Variants in TCF4 observed in about 807,000 individuals in gnomAD.
TCF4 encodes SL3-3 enhancer factor 2.
A neutral mutation model predicts 82.1 loss-of-function variants in TCF4; 3 were observed. The ratio of observed to expected loss-of-function variants is 0.04; its 90% CI spans 0.02 to 0.09. TCF4 has a LOEUF of 0.09. Among genes scored for constraint, TCF4 ranks in the 10% least tolerant of loss-of-function variants. The pLI, the probability that TCF4 is intolerant of heterozygous loss-of-function variation, is 1.00. For synonymous variants in TCF4, 276 were observed against 309.6 expected, an observed-to-expected ratio of 0.89 and a Z score of 1.14; for missense variants, 518 against 852.7, an observed-to-expected ratio of 0.61 and a Z score of 4.89.
Position 55,481,103 on chromosome 18 carries a change from CAAAAA to C in TCF4, c.146-16971_146-16967del, listed in dbSNP as rs74180501. Among the ~76,000 whole-genome samples, 544 of 80,516 alleles carry C rather than the reference CAAAAA, an allele frequency of 6.8e-3. 5 individuals are homozygous for C. The highest frequency in any genetic ancestry group is 0.015 in the South Asian group (34 of 2,248). 52.8% of individuals were successfully genotyped at this position (80,516 alleles called of 152,430 possible). A position where few individuals can be genotyped will look rare whatever the true frequency, so the allele number is the denominator to read the frequency against. Reference sequence around the variant, plus strand: ...TGGGCAACAGAGCAAGACTCCATCTCAAAAAAAAAAAAAAAAAAAAAAAAAATCTG... The same window carrying C: ...TGGGCAACAGAGCAAGACTCCATCTCAAAAAAAAAAAAAAAAAAAAATCTG... On this transcript the variant is annotated intron_variant, in intron 3 of 19. Coordinates refer to ENST00000354452, the MANE Select transcript of TCF4 (RefSeq NM_001083962.2).
At chr18:55,487,328 C>T (rs1454021141) in intron 3 of TCF4, among the ~76,000 whole-genome samples, 4 of 152,142 alleles carry the variant, frequency 2.6e-5, no homozygotes, top group Non-Finnish European at 5.9e-5. Context: ...TACATACATA[C>T]ATATATTTAT....
chr18:55,362,278 T>A (rs1387042409), intron 6 of TCF4, among the ~76,000 whole-genome samples: 1 of 148,534 alleles, frequency 6.7e-6, no homozygotes, highest in African/African-American at 2.5e-5. Context: ...ATCGCACCAC[T>A]GCACTCCAGC....
At chr18:55,440,800 T>A (rs1196570206) in intron 5 of TCF4, among the ~76,000 whole-genome samples, 1 of 152,148 alleles carries the variant, frequency 6.6e-6, no homozygotes, top group Non-Finnish European at 1.5e-5. Flanking sequence ...TGCTCTCCAG[T>A]TTTCCATCCT....
chr18:55,620,940 TA>T (rs1568499539), intron 2 of TCF4, among the ~76,000 whole-genome samples: 1 of 152,104 alleles, frequency 6.6e-6, no homozygotes. Flanking sequence ...AAAATTATAA[TA>T]CCACTTTTGT....
rs1312423782 is a variant in TCF4 at position 55,464,106 on chromosome 18, C to G, written c.177G>C (p.Trp59Cys). 1 of 1,613,920 alleles carries G rather than the reference C, an allele frequency of 6.2e-7. No homozygotes were observed. The highest frequency in any genetic ancestry group is 8.5e-7 in the Non-Finnish European group (1 of 1,179,886). The change falls in exon 4 of 20, where the codon TGG becomes TGC. Residue 59 changes from tryptophan (W) to cysteine (C), a missense_variant. Trp to Cys is a radical substitution (Grantham distance 215). Around this residue, in one of 7 missense-constraint regions of TCF4, gnomAD observed 80 missense variants for 93.8 expected, o/e 0.85. Transcript: ENST00000354452. ...ACGGGCTTGGATGTCCTCCATTCCC[C>G]CAGGACCCTGAGCTACTTCTGTCTT... Reference protein sequence around the residue: ...NVEDRSSSGSWGNGGHPSPSR... With the variant: ...NVEDRSSSGSCGNGGHPSPSR...
chr18:55,515,573 G>C (rs1477780397), intron 3 of TCF4, among the ~76,000 whole-genome samples: 2 of 152,174 alleles, frequency 1.3e-5, no homozygotes, highest in African/African-American at 2.4e-5. Flanking sequence ...TTTTGAAAGA[G>C]AGTAGGAGGT....
At chr18:55,303,267 A>ACACACACCCC (rs1184292058) in intron 8 of TCF4, among the ~76,000 whole-genome samples, 2 of 142,092 alleles carry the variant, frequency 1.4e-5, no homozygotes, top group African/African-American at 5.2e-5. Flanking sequence ...ACACACACAC[A>ACACACACCCC]CCCCTACACA....
chr18:55,235,530 T>TA (rs2049108282), intron 15 of TCF4, among the ~76,000 whole-genome samples: 2 of 152,120 alleles, frequency 1.3e-5, no homozygotes, highest in South Asian at 4.1e-4. Context: ...ATTACTTCAT[T>TA]AAAAAAATAC....
intron 2 of TCF4, among the ~76,000 whole-genome samples, chr18:55,619,416 G>A (rs1488535893): frequency 1.3e-5 from 2 of 151,930 alleles, no homozygotes; most frequent in African/African-American, 4.8e-5. Context: ...GGTAATTTGT[G>A]GCTTTTATTC....
At chr18:55,600,091 C>T (rs1030681697) in intron 2 of TCF4, among the ~76,000 whole-genome samples, 1 of 152,132 alleles carries the variant, frequency 6.6e-6, no homozygotes, top group African/African-American at 2.4e-5. Flanking sequence ...TGTAGATATA[C>T]AACAATTTGT....
At chr18:55,322,081 C>G in intron 8 of TCF4, 1 of 1,036,326 alleles carries the variant, frequency 9.6e-7, no homozygotes, top group Non-Finnish European at 1.2e-6. Flanking sequence ...TCACTTTTTT[C>G]TTTTTCTTTT....
intron 3 of TCF4, among the ~76,000 whole-genome samples, chr18:55,543,949 T>C (rs1238383693): frequency 1.3e-5 from 2 of 152,248 alleles, no homozygotes; most frequent in Middle Eastern, 3.4e-3. Context: ...TCCTTTCCCA[T>C]AATGTTGGCA....
rs1568465648 is a variant in TCF4 at position 55,586,158 on chromosome 18, GCAGC to G, written c.73-810_73-807del. The G allele has an allele frequency of 3.6e-3, 425 of 119,066 alleles. 5 individuals carry two copies. The African/African-American group carries it at 0.061, about 17-fold the overall frequency. 7.4% of individuals were successfully genotyped at this position (119,066 alleles called of 1,614,324 possible). ...AGAAGGAGGAGGAGGAGGAGGAGCA[GCAGC>G]AGCAGCAGCAGCAGCAGCAGCAGCA... On this transcript the variant is annotated intron_variant, in intron 2 of 19. Transcript: ENST00000354452.
chr18:55,286,872 T>C (rs2063808305), intron 8 of TCF4, among the ~76,000 whole-genome samples: 1 of 152,218 alleles, frequency 6.6e-6, no homozygotes, highest in South Asian at 2.1e-4. Flanking sequence ...ATAACACATA[T>C]ATGTCTTCAG....
At chr18:55,338,651 T>C (rs2079162979) in intron 8 of TCF4, among the ~76,000 whole-genome samples, 2 of 152,316 alleles carry the variant, frequency 1.3e-5, no homozygotes, top group East Asian at 1.9e-4. Flanking sequence ...TTCCCGAAAA[T>C]TGATTTTTTC....
intron 3 of TCF4, among the ~76,000 whole-genome samples, chr18:55,545,363 G>A (rs746310183): frequency 6.6e-6 from 1 of 152,172 alleles, no homozygotes; most frequent in Non-Finnish European, 1.5e-5. Context: ...CCAAGGAAAT[G>A]AACCTTGGCT....
chr18:55,307,220 C>A (rs1362245245), intron 8 of TCF4, among the ~76,000 whole-genome samples: 1 of 152,204 alleles, frequency 6.6e-6, no homozygotes, highest in African/African-American at 2.4e-5. Context: ...TAAGAAAACA[C>A]TGCTTTAAAA....
chr18:55,323,423 G>A (rs539101563), intron 8 of TCF4, among the ~76,000 whole-genome samples: 1 of 152,048 alleles, frequency 6.6e-6, no homozygotes, highest in East Asian at 1.9e-4. Context: ...AGCAAAGCCC[G>A]GGCTAATGGT....
upstream of TCF4, chr18:55,591,043 C>G (rs2097684518): frequency 6.6e-6 from 1 of 152,190 alleles, no homozygotes; most frequent in African/African-American, 2.4e-5. Flanking sequence ...GTGGGAACAT[C>G]CTAATCTCCA....
Sources: allele counts gnomAD v4.1 joint callset (sites outside exome capture counted in the v4.1 genomes callset), GRCh38; gene constraint gnomAD v4.1.1; regional missense constraint gnomAD v4.1.1; transcripts MANE v1.5; gene names NCBI Gene and HGNC (gene_info 2026-07-23, HGNC 2026-07-21).